The following RECQL4 variants were observed in gnomAD, a reference collection of about 807,000 sequenced individuals.
RECQL4 encodes ATP-dependent DNA helicase Q4.
RECQL4 carries 158 observed loss-of-function variants against 128.6 expected under a neutral mutation model. That is an observed-to-expected ratio of 1.23 (90% confidence interval 1.08 to 1.40). The LOEUF is 1.40. Among genes scored for constraint, RECQL4 ranks in the 40% most tolerant of loss-of-function variants. RECQL4 has a pLI of 0.00. For synonymous variants in RECQL4, 996 were observed against 678.9 expected (o/e 1.47, Z -7.26); for missense variants, 2,293 against 1,649.8 (o/e 1.39, Z -6.75).
Position 144,513,387 on chromosome 8 carries a change from A to C in RECQL4, c.2294T>G (p.Leu765Trp). The C allele has an allele frequency of 6.2e-7, 1 of 1,608,184 alleles. No homozygotes were observed. The highest frequency in any genetic ancestry group is 8.5e-7 in the Non-Finnish European group (1 of 1,179,704). ...GGCCACCGTGGCCACCACCACCCGCAACTGGCCCTGCATGAAGGCTCGCTG... is the reference window on the plus strand; with the variant it reads ...GGCCACCGTGGCCACCACCACCCGCCACTGGCCCTGCATGAAGGCTCGCTG... ...RVQRAFMQGQ[L>W]RVVVATVAFG... The change falls in exon 14 of 21, where the codon TTG becomes TGG. Residue 765 changes from leucine (L) to tryptophan (W), a missense_variant. Physicochemically the swap from Leu to Trp is moderately conservative, Grantham distance 61 (BLOSUM62 -2). Coordinates refer to ENST00000617875, the MANE Select transcript of RECQL4 (RefSeq NM_004260.4).
At position 144,516,219 on chromosome 8, in the gene RECQL4, C is replaced by T. The variant is rs775962155; in HGVS notation, c.900G>A (p.Gly300=). The T allele has an allele frequency of 2.0e-5, 32 of 1,613,070 alleles. No homozygotes were observed. The highest frequency in any genetic ancestry group is 2.5e-5 in the Non-Finnish European group (30 of 1,179,862). ...GAVAVEEDPP[G]EPVQAQPPQP... ...GAGGTGGCTGTGCCTGTACAGGTTC[C>T]CCTGGAGGGTCTTCCTCAACTGCTA... The change falls in exon 5 of 21, where the codon GGG becomes GGA. Residue 300 remains glycine, a synonymous_variant. Transcript: ENST00000617875.
Position 144,513,590 on chromosome 8 carries a change from G to A in RECQL4, c.2181C>T (p.Ala727=), listed in dbSNP as rs893247525. The change falls in exon 13 of 21, where the codon GCC becomes GCT. Residue 727 remains alanine (A), a synonymous_variant. Coordinates refer to ENST00000617875, the MANE Select transcript of RECQL4 (RefSeq NM_004260.4). ...AALLRTCLHA[A]WVPGSGGRAP... ...CCGCACCTCCAGACCCTGGGACCCA[G>A]GCTGCGTGCAGGCAGGTTCGGAGGA... is the stretch of plus-strand genomic sequence containing the variant. 6 of 1,610,090 alleles carry A rather than the reference G, an allele frequency of 3.7e-6. No individual in the cohort carries two copies. Among genetic ancestry groups the A allele is most frequent in the Non-Finnish European group, 5.1e-6 (6 of 1,178,842 alleles).
chr8:144,514,588 C>A, intron 9 of RECQL4, 63 bp from the exon 10 acceptor site: 2 of 1,501,118 alleles, frequency 1.3e-6, no homozygotes, highest in Non-Finnish European at 9.1e-7. Flanking sequence ...CCCAAGTCAT[C>A]CCAGAGCTGC....
chr8:144,512,754 A>C lies in RECQL4; in HGVS notation c.2773T>G (p.Cys925Gly), dbSNP rs765510227. 5.0e-6 allele frequency: 8 copies of C among 1,611,956 alleles called. No homozygotes were observed. Among genetic ancestry groups the C allele is most frequent in the South Asian group, 3.3e-5 (3 of 91,082 alleles). The part of the protein sequence containing the change: ...MPEEAIETLL[C>G]YLELHPHHWL... The stretch of plus-strand genomic sequence containing the variant: ...TGGTGTGGGTGCAGCTCCAGGTAGC[A>C]CAGCAAAGTCTCGATGGCTGGGGGC... The change falls in exon 16 of 21, where the codon TGC (cysteine) becomes GGC (glycine). Residue 925 changes from cysteine (C) to glycine (G), a missense_variant. Coordinates refer to ENST00000617875, the MANE Select transcript of RECQL4 (RefSeq NM_004260.4).
At chr8:144,511,641 C>T in intron 20 of RECQL4, 40 bp downstream of exon 20, 1 of 1,608,174 alleles carries the variant, frequency 6.2e-7, no homozygotes, top group African/African-American at 1.3e-5. Flanking sequence ...CCCCAGCCCC[C>T]AGCCCCAGCC....
At position 144,512,261 on chromosome 8, in the gene RECQL4, G is replaced by C. The variant is rs370867731; in HGVS notation, c.3119C>G (p.Pro1040Arg). ...FSELAFHLRS[P>R]GDLTAEEKDQ... ...CTTCTCCTCAGCGGTCAAGTCCCCC[G>C]GGCTGCGAAGGTGGAAGGCCAGCTC... The change falls in exon 18 of 21, where the codon CCG becomes CGG. Residue 1040 changes from proline (P) to arginine (R), a missense_variant. By Grantham distance (103) the Pro-to-Arg change is moderately radical. Transcript: ENST00000617875. 1 of 1,612,470 alleles carries C rather than the reference G, an allele frequency of 6.2e-7. No individual in the cohort carries two copies. The highest frequency in any genetic ancestry group is 8.5e-7 in the Non-Finnish European group (1 of 1,179,762).
rs1564797690 is a variant in RECQL4 at position 144,513,963 on chromosome 8, G to A, written c.2023C>T (p.His675Tyr). The change falls in exon 12 of 21, where the codon CAC becomes TAC. Residue 675 changes from histidine to tyrosine, a missense_variant. Coordinates refer to ENST00000617875, the MANE Select transcript of RECQL4 (RefSeq NM_004260.4). ...TCCCTGTCCATGGACACGGAAAGGT[G>A]CAGGTTGGTGGGAACTGGGGCTGGC... ...HGPAPVPTNL[H>Y]LSVSMDRDTD... The A allele has an allele frequency of 6.4e-7, 1 of 1,561,902 alleles. No homozygotes were observed. Among genetic ancestry groups the A allele is most frequent in the Middle Eastern group, 1.8e-4 (1 of 5,616 alleles).
At chr8:144,511,650 C>T (rs774256449) in intron 20 of RECQL4, 31 bp downstream of exon 20, 1 of 1,609,122 alleles carries the variant, frequency 6.2e-7, no homozygotes, top group Non-Finnish European at 8.5e-7. Flanking sequence ...CCAGCCCCAG[C>T]CTGCAGCGGG....
At position 144,516,205 on chromosome 8, in the gene RECQL4, G is replaced by A. The variant is rs578139890; in HGVS notation, c.914C>T (p.Ala305Val). ...EEDPPGEPVQ[A>V]QPPQPCSSPS... The stretch of plus-strand genomic sequence containing the variant: ...GCTGCTGCAGGGCTGAGGTGGCTGT[G>A]CCTGTACAGGTTCCCCTGGAGGGTC... Residue 305 changes from alanine (A) to valine (V), a missense_variant, in exon 5 of 21, where the codon GCA becomes GTA. Physicochemically the swap from Ala to Val is moderately conservative, Grantham distance 64 (BLOSUM62 0). Coordinates refer to ENST00000617875, the MANE Select transcript of RECQL4 (RefSeq NM_004260.4). 4.3e-6 allele frequency: 7 copies of A among 1,613,352 alleles called. No homozygotes were observed. Among genetic ancestry groups the A allele is most frequent in the East Asian group, 2.2e-5 (1 of 44,892 alleles).
chr8:144,513,637 C>T lies in RECQL4; in HGVS notation c.2134G>A (p.Asp712Asn), dbSNP rs753254336. The T allele has an allele frequency of 1.8e-5, 29 of 1,591,796 alleles. No individual in the cohort carries two copies. Among genetic ancestry groups the T allele is most frequent in the East Asian group, 1.4e-4 (6 of 43,840 alleles). Residue 712 changes from aspartate (D) to asparagine (N), a missense_variant, in exon 13 of 21, where the codon GAC becomes AAC. Coordinates refer to ENST00000617875, the MANE Select transcript of RECQL4 (RefSeq NM_004260.4). ...SIIIYCNRRE[D>N]TERIAALLRT... The stretch of plus-strand genomic sequence containing the variant: ...AGGAGCGCAGCGATCCGCTCTGTGT[C>T]CTCGCGCCGGTTGCAGTAAATGATA...
Position 144,517,119 on chromosome 8 carries a change from C to A in RECQL4, c.285G>T (p.Gly95=). Residue 95 remains glycine (G), a synonymous_variant, in exon 4 of 21, where the codon GGG becomes GGT. Transcript: ENST00000617875. Reference sequence around the variant, plus strand: ...CCGGCACCGAGCCCTGGCGGCTCCGCCCTGGCGTAGACTGTGGACTCTTGG... The same window carrying A: ...CCGGCACCGAGCCCTGGCGGCTCCGACCTGGCGTAGACTGTGGACTCTTGG... The part of the protein sequence containing the change: ...AATKSPQSTP[G]RSRQGSVPDY... The A allele has an allele frequency of 1.9e-6, 3 of 1,612,346 alleles. No homozygotes were observed. Among genetic ancestry groups the A allele is most frequent in the Non-Finnish European group, 2.5e-6 (3 of 1,179,738 alleles).
chr8:144,515,766 G>A lies in RECQL4; in HGVS notation c.1256C>T (p.Pro419Leu), dbSNP rs1370377411. Residue 419 changes from proline to leucine, a missense_variant and splice_region_variant, in exon 6 of 21, where the codon CCA becomes CTA. By Grantham distance (98) the Pro-to-Leu change is moderately conservative. Transcript: ENST00000617875. ...ACCCTCCAGGGCAGATGTCTCACCT[G>A]GCCGGGGACACTGGGCTGCCCAGTG... is the stretch of plus-strand genomic sequence containing the variant. ...FDHWAAQCPR[P>L]ASEEDTDAVG... 1.9e-6 allele frequency: 3 copies of A among 1,612,246 alleles called. No individual in the cohort carries two copies. The highest frequency in any genetic ancestry group is 2.2e-5 in the South Asian group (2 of 90,918).
In RECQL4 at chr8:144,512,532, T is replaced by C; in HGVS notation, c.2915A>G (p.Gln972Arg). ...RCPPLAVCLA[Q>R]QLPEDPGQGS... is the part of the protein sequence containing the mutation. ...TTGCCCTGGGTCCTCAGGCAGCTGC[T>C]GGGCCAAGCACACAGCCAAAGGGGG... is the stretch of plus-strand genomic sequence containing the variant. Residue 972 changes from glutamine (Q) to arginine (R), a missense_variant, in exon 17 of 21, where the codon CAG becomes CGG. Physicochemically the swap from Gln to Arg is conservative, Grantham distance 43. Transcript: ENST00000617875. The C allele has an allele frequency of 6.2e-7, 1 of 1,612,540 alleles. No individual in the cohort carries two copies. The highest frequency in any genetic ancestry group is 8.5e-7 in the Non-Finnish European group (1 of 1,179,816).
At chr8:144,517,575 GC>G (rs1564812371) in intron 2 of RECQL4, 26 bp downstream of exon 2, 2 of 1,479,040 alleles carry the variant, frequency 1.4e-6, no homozygotes, top group South Asian at 1.3e-5. Flanking sequence ...GTGTCTTCTC[GC>G]CCCCGCCGCC....
rs2130711922 is a variant in RECQL4, at chr8:144,515,765, T to C, written c.1257A>G (p.Pro419=). 1 of 1,612,202 alleles carries C rather than the reference T, an allele frequency of 6.2e-7. No homozygotes were observed. The highest frequency in any genetic ancestry group is 1.1e-5 in the South Asian group (1 of 90,922). Residue 419 remains proline, a splice_region_variant and synonymous_variant, in exon 6 of 21, where the codon CCA becomes CCG. Coordinates refer to ENST00000617875, the MANE Select transcript of RECQL4 (RefSeq NM_004260.4). ...FDHWAAQCPR[P]ASEEDTDAVG... is the part of the protein sequence containing the mutation. ...CACCCTCCAGGGCAGATGTCTCACCTGGCCGGGGACACTGGGCTGCCCAGT... is the reference window on the plus strand; with the variant it reads ...CACCCTCCAGGGCAGATGTCTCACCCGGCCGGGGACACTGGGCTGCCCAGT...
chr8:144,514,632 A>G (rs1827882929), intron 9 of RECQL4, 107 bp from the exon 10 acceptor site: 1 of 1,211,140 alleles, frequency 8.3e-7, no homozygotes. Flanking sequence ...AGGGGAGAGG[A>G]GAACCAGGTC....
At chr8:144,517,222 A>G in intron 3 of RECQL4, 32 bp from the exon 4 acceptor site, 1 of 1,569,016 alleles carries the variant, frequency 6.4e-7, no homozygotes, top group South Asian at 1.1e-5. Context: ...CAGGCCAGAA[A>G]AGGCTGTTGT....
At chr8:144,515,743 C>T (rs1249444084) in intron 6 of RECQL4, 21 bp downstream of exon 6, 3 of 1,610,682 alleles carry the variant, frequency 1.9e-6, no homozygotes, top group South Asian at 1.1e-5. Context: ...CCGGACCCAC[C>T]CTCCAGGGCA....
Position 144,517,648 on chromosome 8 carries a change from C to G in RECQL4, c.85-13G>C, listed in dbSNP as rs568000575. On this transcript the variant is annotated splice_polypyrimidine_tract_variant and intron_variant, in intron 1 of 20. Coordinates refer to ENST00000617875, the MANE Select transcript of RECQL4 (RefSeq NM_004260.4). ...CCTCCACGTCGTCCTGTAAAGGGAACGCGTCAGCCGCGGGCCGCGCCCTCA... is the reference window on the plus strand; with the variant it reads ...CCTCCACGTCGTCCTGTAAAGGGAAGGCGTCAGCCGCGGGCCGCGCCCTCA... The G allele has an allele frequency of 6.8e-7, 1 of 1,475,848 alleles. No individual in the cohort carries two copies. The highest frequency in any genetic ancestry group is 8.9e-7 in the Non-Finnish European group (1 of 1,120,786). 91.4% of individuals were successfully genotyped at this position (1,475,848 alleles called of 1,614,324 possible). A position where few individuals can be genotyped will look rare whatever the true frequency, so the allele number is the denominator to read the frequency against.
Sources: gnomAD v4.1 joint callset for allele counts on GRCh38, gnomAD v4.1.1 for gene constraint, MANE v1.5 for transcripts, NCBI Gene and HGNC (gene_info 2026-07-23, HGNC 2026-07-21) for gene names.